BMPR1B: variants seen among roughly 807,000 people sequenced by gnomAD.
BMPR1B encodes the protein bone morphogenetic protein receptor type-1B.
A neutral mutation model predicts 59.1 loss-of-function variants in BMPR1B; 12 were observed. The observed-to-expected ratio is 0.20, with a 90% CI of 0.13 to 0.33. The LOEUF is 0.33. Among genes scored for constraint, BMPR1B ranks in the 10% least tolerant of loss-of-function variants. BMPR1B has a pLI of 1.00. For synonymous variants in BMPR1B, 237 were observed against 207.3 expected (o/e 1.14, Z -1.23); for missense variants, 550 against 610.9 (o/e 0.90, Z 1.05).
intron 3 of BMPR1B, among the ~76,000 whole-genome samples, chr4:95,017,676 GT>G (rs2149132371): frequency 6.6e-6 from 1 of 152,244 alleles, no homozygotes; most frequent in South Asian, 2.1e-4. Context: ...CTTTAAGCCT[GT>G]TATCTGGTTT....
chr4:95,071,798 A>G (rs958315840), intron 3 of BMPR1B, among the ~76,000 whole-genome samples: 12 of 151,496 alleles, frequency 7.9e-5, no homozygotes, highest in African/African-American at 2.9e-4. Flanking sequence ...AACCCTTTGT[A>G]TTTGTTTTTT....
intron 2 of BMPR1B, among the ~76,000 whole-genome samples, chr4:94,985,314 A>C (rs142223912): frequency 1.5e-4 from 23 of 152,278 alleles, no homozygotes; most frequent in African/African-American, 5.5e-4. Flanking sequence ...GATAAAAGCT[A>C]AGTCTGAATT....
chr4:95,129,113 C>T (rs557586967), intron 8 of BMPR1B, among the ~76,000 whole-genome samples: 8 of 152,124 alleles, frequency 5.3e-5, no homozygotes, highest in Non-Finnish European at 7.4e-5. Context: ...ACTATTATCC[C>T]GCCATAGTCA....
intron 1 of BMPR1B, among the ~76,000 whole-genome samples, chr4:94,786,210 T>G (rs1722757760): frequency 6.6e-6 from 1 of 152,210 alleles, no homozygotes; most frequent in Non-Finnish European, 1.5e-5. Flanking sequence ...AGATGTATTA[T>G]CATGCGGGTA....
At chr4:94,887,839 T>C (rs1427953054) in intron 2 of BMPR1B, among the ~76,000 whole-genome samples, 2 of 152,026 alleles carry the variant, frequency 1.3e-5, no homozygotes, top group Non-Finnish European at 2.9e-5. Flanking sequence ...TATTTAAAAC[T>C]ATAATCCAAG....
At chr4:94,967,084 T>G (rs1351650057) in intron 2 of BMPR1B, among the ~76,000 whole-genome samples, 2 of 152,190 alleles carry the variant, frequency 1.3e-5, no homozygotes, top group Non-Finnish European at 2.9e-5. Context: ...GATAGGAATT[T>G]ATGACAAAAT....
At chr4:94,885,129 T>C (rs942419307) in intron 2 of BMPR1B, among the ~76,000 whole-genome samples, 6 of 152,182 alleles carry the variant, frequency 3.9e-5, no homozygotes, top group Non-Finnish European at 7.3e-5. Flanking sequence ...ACCTAACTTG[T>C]ACCTGACCAC....
chr4:94,807,842 G>T (rs1560494600), intron 1 of BMPR1B, among the ~76,000 whole-genome samples: 1 of 152,048 alleles, frequency 6.6e-6, no homozygotes, highest in Non-Finnish European at 1.5e-5. Context: ...CTGCCACCAT[G>T]CCTGGCCAAT....
At chr4:95,137,935 T>A (rs1733928498) in intron 10 of BMPR1B, among the ~76,000 whole-genome samples, 1 of 152,210 alleles carries the variant, frequency 6.6e-6, no homozygotes, top group Non-Finnish European at 1.5e-5. Flanking sequence ...ATGTGTGAGT[T>A]TGATCCTGTC....
intron 1 of BMPR1B, among the ~76,000 whole-genome samples, chr4:94,768,128 A>G (rs1041501389): frequency 6.6e-6 from 1 of 152,106 alleles, no homozygotes; most frequent in African/African-American, 2.4e-5. Flanking sequence ...AAGGCACATT[A>G]AAGATTTTGT....
intron 3 of BMPR1B, among the ~76,000 whole-genome samples, chr4:94,999,089 AAAT>A (rs1470442054): frequency 2.6e-5 from 4 of 152,114 alleles, no homozygotes; most frequent in African/African-American, 9.7e-5. Flanking sequence ...CCTCCTGTAT[AAAT>A]CTCTGTCCCA....
chr4:94,960,468 T>C (rs1395596803), intron 2 of BMPR1B, among the ~76,000 whole-genome samples: 1 of 152,152 alleles, frequency 6.6e-6, no homozygotes, highest in African/African-American at 2.4e-5. Context: ...GTGATAGTAA[T>C]GTTAGAGCGT....
intron 2 of BMPR1B, among the ~76,000 whole-genome samples, chr4:94,924,168 G>A (rs79124620): frequency 0.059 from 9,035 of 152,016 alleles, 907 homozygotes; most frequent in African/African-American, 0.21. Context: ...CTTTTTCTAG[G>A]ACAAGCAAGA....
chr4:94,920,083 C>T (rs1728632399), intron 2 of BMPR1B, among the ~76,000 whole-genome samples: 1 of 152,014 alleles, frequency 6.6e-6, no homozygotes, highest in Non-Finnish European at 1.5e-5. Flanking sequence ...ATTCTTCAAA[C>T]AGTGCTTTAT....
rs73839204 is a variant in BMPR1B at position 95,099,933 on chromosome 4, C to A, written c.-17-4475C>A. On this transcript the variant is annotated intron_variant, in intron 3 of 12. Transcript: ENST00000515059. The stretch of plus-strand genomic sequence containing the variant: ...GTATAAGAGTTTAAATATTTGGTTA[C>A]TTAGTCCCCTGTGTTCTCATTACAA... Among the ~76,000 whole-genome samples the A allele has an allele frequency of 6.2e-3, 949 of 152,252 alleles. 11 individuals are homozygous for A. The highest frequency in any genetic ancestry group is 0.022 in the African/African-American group (908 of 41,554).
intron 10 of BMPR1B, among the ~76,000 whole-genome samples, chr4:95,137,000 G>A (rs965943888): frequency 8.5e-5 from 13 of 152,180 alleles, no homozygotes; most frequent in African/African-American, 2.9e-4. Flanking sequence ...TAATTGTGAT[G>A]TTAGGGTATC....
intron 2 of BMPR1B, among the ~76,000 whole-genome samples, chr4:94,969,405 C>A (rs116443195): frequency 0.037 from 5,689 of 152,208 alleles, 361 homozygotes; most frequent in African/African-American, 0.13. Flanking sequence ...CATCAAGATG[C>A]TTGTTTAGAA....
chr4:95,093,114 G>A (rs764090430), intron 3 of BMPR1B, among the ~76,000 whole-genome samples: 13 of 151,972 alleles, frequency 8.6e-5, no homozygotes, highest in South Asian at 8.3e-4. Context: ...TCATTCTATC[G>A]GCTGAGATTA....
At chr4:94,963,807 C>T (rs529768714) in intron 2 of BMPR1B, among the ~76,000 whole-genome samples, 14 of 151,924 alleles carry the variant, frequency 9.2e-5, no homozygotes, top group Admixed American at 2.6e-4. Context: ...ATTTTTTTCG[C>T]TATTCTAGGT....
Sources: gnomAD v4.1 joint callset for allele counts (sites outside exome capture counted in the v4.1 genomes callset) on GRCh38, gnomAD v4.1.1 for gene constraint, MANE v1.5 for transcripts, NCBI Gene and HGNC (gene_info 2026-07-23, HGNC 2026-07-21) for gene names.